EHBP1: variants seen among roughly 807,000 people sequenced by gnomAD.
EHBP1 encodes the protein EH domain binding protein 1.
In EHBP1, 55 loss-of-function variants were observed where a neutral mutation model predicts 144.0. The ratio of observed to expected loss-of-function variants is 0.38; its 90% CI spans 0.31 to 0.48. EHBP1 has a LOEUF of 0.48. Ranked by LOEUF, EHBP1 falls within the 20% of genes least tolerant of loss-of-function variation. The pLI is 0.98. For synonymous variants in EHBP1, 469 were observed against 472.7 expected (o/e 0.99, Z 0.10); for missense variants, 1,200 against 1,364.2 (o/e 0.88, Z 1.90).
intron 19 of EHBP1, among the ~76,000 whole-genome samples, chr2:63,011,997 C>A (rs1263864745): frequency 6.6e-6 from 1 of 151,554 alleles, no homozygotes; most frequent in Admixed American, 6.6e-5. Flanking sequence ...TATAAGTAGC[C>A]ACATCATAGC....
intron 13 of EHBP1, among the ~76,000 whole-genome samples, chr2:62,953,738 C>G (rs1239053126): frequency 2.6e-5 from 4 of 151,374 alleles, no homozygotes; most frequent in African/African-American, 9.7e-5. Context: ...TCTGAAATCT[C>G]TGTAGTGAAT....
intron 12 of EHBP1, among the ~76,000 whole-genome samples, chr2:62,946,209 A>G (rs575505469): frequency 6.6e-6 from 1 of 152,230 alleles, no homozygotes; most frequent in Non-Finnish European, 1.5e-5. Context: ...TAAAGAATAT[A>G]GGGAATCTCA....
intron 7 of EHBP1, among the ~76,000 whole-genome samples, chr2:62,838,767 T>TA (rs1245055022): frequency 6.7e-6 from 1 of 149,496 alleles, no homozygotes; most frequent in Non-Finnish European, 1.5e-5. Flanking sequence ...CCTCGACACA[T>TA]ACACTCTCCC....
chr2:62,868,019 T>C (rs2050175230), intron 9 of EHBP1, among the ~76,000 whole-genome samples: 1 of 152,152 alleles, frequency 6.6e-6, no homozygotes, highest in African/African-American at 2.4e-5. Context: ...CTACAATTCT[T>C]ACCTTCCACT....
rs543237502 is a variant in EHBP1 at position 62,744,621 on chromosome 2, TG to T, written c.105-2769del. Reference sequence around the variant, plus strand: ...AATCACAAAAATGTTTAGCCATCTTTGGGGGCATTCATAAATAAGTGACTTT... The same window carrying T: ...AATCACAAAAATGTTTAGCCATCTTTGGGGCATTCATAAATAAGTGACTTT... On this transcript the variant is annotated intron_variant, in intron 2 of 22. Coordinates refer to ENST00000431489, the MANE Select transcript of EHBP1 (RefSeq NM_001142616.3). Among the ~76,000 whole-genome samples the T allele has an allele frequency of 8.6e-4, 131 of 152,248 alleles. 2 individuals carry two copies. Among genetic ancestry groups the T allele is most frequent in the African/African-American group, 2.9e-3 (120 of 41,562 alleles).
chr2:62,907,374 T>A (rs1221509361), intron 10 of EHBP1, among the ~76,000 whole-genome samples: 4 of 152,216 alleles, frequency 2.6e-5, no homozygotes, highest in Non-Finnish European at 5.9e-5. Flanking sequence ...TAGTATGTTT[T>A]TCCCTAAAGG....
chr2:62,700,061 G>T (rs937109998), intron 1 of EHBP1, among the ~76,000 whole-genome samples: 3 of 152,114 alleles, frequency 2.0e-5, no homozygotes, highest in African/African-American at 7.2e-5. Flanking sequence ...AACTGCAACA[G>T]AAACAATTTC....
chr2:62,892,867 T>C (rs181676090), intron 10 of EHBP1, among the ~76,000 whole-genome samples: 23 of 152,276 alleles, frequency 1.5e-4, no homozygotes, highest in African/African-American at 5.5e-4. Context: ...ATATTAATTA[T>C]ATTTGAAGCA....
intron 5 of EHBP1, among the ~76,000 whole-genome samples, chr2:62,799,750 C>T (rs751226938): frequency 1.7e-4 from 26 of 152,168 alleles, no homozygotes; most frequent in Admixed American, 4.6e-4. Context: ...TAAAAAACAA[C>T]CTAATCTACT....
intron 10 of EHBP1, among the ~76,000 whole-genome samples, chr2:62,941,036 T>A (rs1032773114): frequency 2.0e-5 from 3 of 152,202 alleles, no homozygotes; most frequent in Non-Finnish European, 2.9e-5. Context: ...GGCCCATGTA[T>A]GTATTACCCA....
chr2:62,814,177 T>A (rs1032782428), intron 5 of EHBP1, among the ~76,000 whole-genome samples: 1 of 152,246 alleles, frequency 6.6e-6, no homozygotes, highest in Non-Finnish European at 1.5e-5. Flanking sequence ...ATGAGGTGAA[T>A]AGATCTTGAG....
intron 19 of EHBP1, among the ~76,000 whole-genome samples, chr2:63,017,056 C>G (rs1399259440): frequency 1.3e-5 from 2 of 152,222 alleles, no homozygotes; most frequent in Non-Finnish European, 2.9e-5. Flanking sequence ...ATGATAACTG[C>G]TTACTAACTC....
chr2:62,811,933 G>A (rs1258894550), intron 5 of EHBP1, among the ~76,000 whole-genome samples: 1 of 152,192 alleles, frequency 6.6e-6, no homozygotes, highest in Non-Finnish European at 1.5e-5. Context: ...TGTTGGAAAT[G>A]TAATCCCCAA....
chr2:62,751,734 T>A (rs904295498), intron 3 of EHBP1, among the ~76,000 whole-genome samples: 1 of 152,174 alleles, frequency 6.6e-6, no homozygotes, highest in Non-Finnish European at 1.5e-5. Flanking sequence ...TGTCCAGGAA[T>A]TTATGCATTT....
intron 5 of EHBP1, among the ~76,000 whole-genome samples, chr2:62,824,447 A>G (rs1217129240): frequency 2.6e-5 from 4 of 152,028 alleles, no homozygotes; most frequent in Non-Finnish European, 4.4e-5. Context: ...CTCTCTGATC[A>G]TACTTTTTCA....
chr2:62,961,084 T>C (rs2153133808), intron 14 of EHBP1, among the ~76,000 whole-genome samples: 1 of 152,312 alleles, frequency 6.6e-6, no homozygotes, highest in Non-Finnish European at 1.5e-5. Context: ...AAGCTGTTTC[T>C]AAGACACTGA....
chr2:63,018,486 G>T (rs982544205), intron 19 of EHBP1, among the ~76,000 whole-genome samples: 21 of 152,152 alleles, frequency 1.4e-4, no homozygotes, highest in Admixed American at 1.3e-4. Context: ...TGGATCATAG[G>T]ATTTCTAGAA....
chr2:62,841,943 G>A (rs1432403488), intron 7 of EHBP1, among the ~76,000 whole-genome samples: 1 of 152,042 alleles, frequency 6.6e-6, no homozygotes, highest in Non-Finnish European at 1.5e-5. Context: ...ACACAGTTTT[G>A]GAAGATGGGA....
intron 19 of EHBP1, among the ~76,000 whole-genome samples, chr2:62,998,820 A>G (rs893877294): frequency 4.6e-5 from 7 of 152,324 alleles, no homozygotes; most frequent in South Asian, 2.1e-4. Flanking sequence ...GATTTAGACC[A>G]AAACTGAGTT....
Sources: gnomAD v4.1 joint callset for allele counts (sites outside exome capture counted in the v4.1 genomes callset) on GRCh38, gnomAD v4.1.1 for gene constraint, MANE v1.5 for transcripts, NCBI Gene and HGNC (gene_info 2026-07-23, HGNC 2026-07-21) for gene names.